The following FRYL variants were observed in gnomAD, a reference collection of about 807,000 sequenced individuals.
The protein encoded by FRYL is FRY like transcription coactivator, also known as protein furry homolog-like.
FRYL carries 150 observed loss-of-function variants against 351.2 expected under a neutral mutation model. That is an observed-to-expected ratio of 0.43 (90% CI 0.37 to 0.49). FRYL has a LOEUF of 0.49. Ranked by LOEUF, FRYL falls within the 20% of genes least tolerant of loss-of-function variation. FRYL has a pLI of 0.00. For missense variants in FRYL, 3,036 were observed against 3,619.3 expected (o/e 0.84, Z 4.13); for synonymous variants, 1,153 against 1,257.1 (o/e 0.92, Z 1.75).
At chr4:48,678,855 TTGAC>T (rs1160744473) in intron 3 of FRYL, among the ~76,000 whole-genome samples, 1 of 152,114 alleles carries the variant, frequency 6.6e-6, no homozygotes, top group Non-Finnish European at 1.5e-5. Flanking sequence ...AATCATTAGA[TTGAC>T]TGCTTATTTG....
intron 2 of FRYL, among the ~76,000 whole-genome samples, chr4:48,707,955 G>A (rs763664187): frequency 2.0e-5 from 3 of 151,334 alleles, no homozygotes; most frequent in East Asian, 2.0e-4. Context: ...CCAGTAGCTC[G>A]GACTATAGGC....
intron 3 of FRYL, among the ~76,000 whole-genome samples, chr4:48,675,410 G>C (rs1316872498): frequency 6.6e-6 from 1 of 152,244 alleles, no homozygotes; most frequent in Non-Finnish European, 1.5e-5. Flanking sequence ...GGGTGGGCGT[G>C]GGCTTGCCAG....
At chr4:48,676,547 A>G (rs77718642) in intron 3 of FRYL, among the ~76,000 whole-genome samples, 4 of 136,112 alleles carry the variant, frequency 2.9e-5, no homozygotes, top group African/African-American at 1.1e-4. Flanking sequence ...AGGCCCGGCT[A>G]TTTTTTTTTT....
intron 1 of FRYL, among the ~76,000 whole-genome samples, chr4:48,718,181 T>C (rs1453484845): frequency 6.6e-6 from 1 of 151,620 alleles, no homozygotes; most frequent in Non-Finnish European, 1.5e-5. Flanking sequence ...AATCAGTTTA[T>C]GTCTGTTGTA....
intron 1 of FRYL, among the ~76,000 whole-genome samples, chr4:48,746,987 T>A (rs1772750535): frequency 6.6e-6 from 1 of 152,212 alleles, no homozygotes; most frequent in Admixed American, 6.5e-5. Context: ...ATTGTGTCTT[T>A]TAAAAACGAC....
At chr4:48,709,367 G>T (rs1183904870) in intron 2 of FRYL, among the ~76,000 whole-genome samples, 2 of 152,150 alleles carry the variant, frequency 1.3e-5, no homozygotes, top group African/African-American at 4.8e-5. Context: ...TATTGGAGTG[G>T]ACAGAAAGAG....
intron 42 of FRYL, among the ~76,000 whole-genome samples, chr4:48,545,747 G>A (rs991433492): frequency 1.3e-5 from 2 of 152,066 alleles, no homozygotes; most frequent in African/African-American, 4.8e-5. Context: ...TACTTATTGT[G>A]TCTTGCAAAG....
rs115332256 is a variant in FRYL at position 48,660,776 on chromosome 4, A to T, written c.-81+23897T>A. 7.5e-3 allele frequency among the ~76,000 whole-genome samples: 1,144 copies of T among 152,296 alleles called. 4 individuals are homozygous for T. The highest frequency in any genetic ancestry group is 0.011 in the Admixed American group (172 of 15,302). On this transcript the variant is annotated intron_variant, in intron 3 of 63. Coordinates refer to ENST00000358350, the MANE Select transcript of FRYL (RefSeq NM_015030.2). ...GTGATGAGAATGGCACTTAATCTGT[A>T]TTCTTCTTCCCAAAAACCTTTAAGC...
At chr4:48,600,777 T>C (rs2149247408) in intron 13 of FRYL, among the ~76,000 whole-genome samples, 1 of 152,170 alleles carries the variant, frequency 6.6e-6, no homozygotes, top group Non-Finnish European at 1.5e-5. Context: ...TCTGTACAAA[T>C]TACCAAAAAT....
intron 56 of FRYL, among the ~76,000 whole-genome samples, chr4:48,513,699 CAAAAT>C (rs1285717986): frequency 3.9e-5 from 6 of 152,112 alleles, no homozygotes; most frequent in Admixed American, 3.9e-4. Flanking sequence ...TCAAAACAAT[CAAAAT>C]AAAGCAGACA....
chr4:48,736,218 T>C (rs570063302), intron 1 of FRYL, among the ~76,000 whole-genome samples: 1 of 151,916 alleles, frequency 6.6e-6, no homozygotes, highest in South Asian at 2.1e-4. Flanking sequence ...ACAAATGAAA[T>C]GCTTAGGGGG....
intron 32 of FRYL, among the ~76,000 whole-genome samples, chr4:48,562,683 T>C (rs1332358858): frequency 4.6e-5 from 7 of 152,160 alleles, no homozygotes; most frequent in African/African-American, 1.7e-4. Context: ...ACAATACACT[T>C]AGGAATAGTC....
chr4:48,593,145 T>C (rs780242766), intron 16 of FRYL, among the ~76,000 whole-genome samples: 1 of 152,014 alleles, frequency 6.6e-6, no homozygotes, highest in Non-Finnish European at 1.5e-5. Context: ...GAAACAAATT[T>C]TTGTTTTTTC....
At chr4:48,605,052 T>C (rs190085652) in intron 11 of FRYL, among the ~76,000 whole-genome samples, 204 of 152,324 alleles carry the variant, frequency 1.3e-3, no homozygotes, top group Middle Eastern at 6.8e-3. Flanking sequence ...ACATGACTTA[T>C]ACATGATAGC....
chr4:48,641,054 G>C (rs189471438), intron 3 of FRYL, among the ~76,000 whole-genome samples: 1 of 152,230 alleles, frequency 6.6e-6, no homozygotes, highest in East Asian at 1.9e-4. Context: ...ATCAGTATTG[G>C]GGAATAATAG....
At chr4:48,668,857 A>G (rs1295710411) in intron 3 of FRYL, among the ~76,000 whole-genome samples, 1 of 152,242 alleles carries the variant, frequency 6.6e-6, no homozygotes, top group Non-Finnish European at 1.5e-5. Context: ...CCCAAAGGCC[A>G]CAACTTGTAT....
At position 48,707,387 on chromosome 4, in the gene FRYL, T is replaced by C. The variant is rs1170379568; in HGVS notation, c.-204+3132A>G. Among the ~76,000 whole-genome samples the C allele has an allele frequency of 4.6e-5, 7 of 152,304 alleles. No homozygotes were observed. In the East Asian group the frequency reaches 1.2e-3, roughly 25 times the overall value. On this transcript the variant is annotated intron_variant, in intron 2 of 63. Coordinates refer to ENST00000358350, the MANE Select transcript of FRYL (RefSeq NM_015030.2). ...CATCCTGAAATACTTATAAATAAGA[T>C]ACATGATGTCTAGAATTTGCTTTAA... is the stretch of plus-strand genomic sequence containing the variant.
In FRYL at chr4:48,499,004, A is replaced by C. The variant is rs1718980465; in HGVS notation, c.*418T>G. On this transcript the variant is annotated 3_prime_UTR_variant, in exon 64 of 64. Transcript: ENST00000358350. ...TAGGTTTTCAACTGCTAGAAATCCA[A>C]GCAGCTTTGCAGGTCTTCAGCTAAA... is the stretch of plus-strand genomic sequence containing the variant. The C allele has an allele frequency of 5.5e-6, 1 of 180,774 alleles. No individual in the cohort carries two copies. The highest frequency in any genetic ancestry group is 1.2e-5 in the Non-Finnish European group (1 of 85,384). 11.2% of individuals were successfully genotyped at this position (180,774 alleles called of 1,614,324 possible).
intron 1 of FRYL, among the ~76,000 whole-genome samples, chr4:48,771,944 A>G (rs1023906017): frequency 2.0e-5 from 3 of 152,182 alleles, no homozygotes; most frequent in Non-Finnish European, 4.4e-5. Flanking sequence ...CAACCCCCAA[A>G]AGCAGACATG....
Sources: gnomAD v4.1 joint callset for allele counts (sites outside exome capture counted in the v4.1 genomes callset) on GRCh38, gnomAD v4.1.1 for gene constraint, MANE v1.5 for transcripts, NCBI Gene and HGNC (gene_info 2026-07-23, HGNC 2026-07-21) for gene names.